Variants in DCN observed in about 807,000 individuals in gnomAD.
DCN encodes decorin, also known as bone proteoglycan II.
Under a neutral mutation model 36.5 loss-of-function variants are expected in DCN, and 17 were observed. The observed-to-expected ratio is 0.47, with a 90% CI of 0.32 to 0.70. The LOEUF is 0.70. DCN is among the 30% of genes least tolerant of loss of function. The pLI is 0.04. For synonymous variants in DCN, 163 were observed against 161.4 expected (o/e 1.01, Z -0.07); for missense variants, 389 against 430.1 (o/e 0.90, Z 0.84).
At position 91,158,444 on chromosome 12, in the gene DCN, C is replaced by T. The variant is rs929581369; in HGVS notation, c.390G>A (p.Lys130=). ...TCTTGGACAGATAAAGTCGTTCCAACTTCACCAAAGGTGTAAATGCTCCAG... is the reference window on the plus strand; with the variant it reads ...TCTTGGACAGATAAAGTCGTTCCAATTTCACCAAAGGTGTAAATGCTCCAG... ...VSPGAFTPLV[K]LERLYLSKNQ... is the part of the protein sequence containing the mutation. Residue 130 remains lysine, a synonymous_variant, in exon 4 of 8, where the codon AAG becomes AAA. Transcript: ENST00000052754. 2 of 1,611,022 alleles carry T rather than the reference C, an allele frequency of 1.2e-6. No homozygotes were observed. The highest frequency in any genetic ancestry group is 1.7e-6 in the Non-Finnish European group (2 of 1,177,266).
rs3138263 is a variant in DCN at position 91,153,213 on chromosome 12, T to C, written c.653-24A>G. The C allele has an allele frequency of 7.6e-3, 9,629 of 1,274,066 alleles. 526 individuals are homozygous for C. In the African/African-American group the frequency reaches 0.12, roughly 16 times the overall value. 78.9% of individuals were successfully genotyped at this position (1,274,066 alleles called of 1,614,324 possible). On this transcript the variant is annotated intron_variant, in intron 5 of 7. Transcript: ENST00000052754. ...ACCTGGAATGTGGAATTAAAGATGT[T>C]AAATTAGCAGATAAACATTATAAGT... is the stretch of plus-strand genomic sequence containing the variant.
chr12:91,148,393 G>A (rs369542359), intron 7 of DCN, among the ~76,000 whole-genome samples: 4 of 152,072 alleles, frequency 2.6e-5, no homozygotes, highest in African/African-American at 9.6e-5. Flanking sequence ...TCTTAAGTGA[G>A]CTATAAAACC....
At chr12:91,148,609 G>T (rs1881193331) in intron 7 of DCN, among the ~76,000 whole-genome samples, 1 of 151,014 alleles carries the variant, frequency 6.6e-6, no homozygotes, top group Non-Finnish European at 1.5e-5. Context: ...CCAGCTACTC[G>T]GGAGGCTGAG....
At position 91,142,617 on chromosome 12, in the gene DCN, G is replaced by C. The variant is rs931259473; in HGVS notation, c.*3441C>G. 6 of 152,142 alleles carry C rather than the reference G, an allele frequency of 3.9e-5. No homozygotes were observed. Among genetic ancestry groups the C allele is most frequent in the Non-Finnish European group, 8.8e-5 (6 of 68,014 alleles). 9.4% of individuals were successfully genotyped at this position (152,142 alleles called of 1,614,324 possible). A position where few individuals can be genotyped will look rare whatever the true frequency, so the allele number is the denominator to read the frequency against. On this transcript the variant is annotated 3_prime_UTR_variant, in exon 8 of 8. Transcript: ENST00000052754. ...CATTTATTGCCAGATCAAAGTCTTT[G>C]AAGAAAAATGCTTTAAAAGATCATG...
Position 91,140,703 on chromosome 12 carries a change from A to G in DCN, c.*5355T>C, listed in dbSNP as rs991654598. On this transcript the variant is annotated 3_prime_UTR_variant, in exon 8 of 8. Transcript: ENST00000052754. ...GCTCAACCCTTTCCCTTGAGCTCCA[A>G]AATTCTAGATCTAAATCCTCCTTGA... is the stretch of plus-strand genomic sequence containing the variant. 6.6e-6 allele frequency: 1 copy of G among 152,128 alleles called. No homozygotes were observed. The highest frequency in any genetic ancestry group is 1.5e-5 in the Non-Finnish European group (1 of 68,006). 9.4% of individuals were successfully genotyped at this position (152,128 alleles called of 1,614,324 possible). A position where few individuals can be genotyped will look rare whatever the true frequency, so the allele number is the denominator to read the frequency against.
intron 5 of DCN, 51 bp downstream of exon 5, chr12:91,157,024 A>T: frequency 7.5e-7 from 1 of 1,329,476 alleles, no homozygotes; most frequent in Non-Finnish European, 1.1e-6. Context: ...TTTTTTAATT[A>T]AAGCCTTTGA....
intron 2 of DCN, chr12:91,176,442 C>T (rs1883291199): frequency 6.6e-6 from 1 of 152,056 alleles, no homozygotes. Flanking sequence ...ATATCAATGG[C>T]AACAACAAAA....
At chr12:91,179,069 A>G (rs929145868) in intron 1 of DCN, 1 of 162,598 alleles carries the variant, frequency 6.2e-6, no homozygotes, top group Non-Finnish European at 1.4e-5. Flanking sequence ...CTACTACAAG[A>G]GCTTCTAATT....
At chr12:91,153,847 C>T (rs890416572) in intron 5 of DCN, among the ~76,000 whole-genome samples, 11 of 152,056 alleles carry the variant, frequency 7.2e-5, no homozygotes, top group African/African-American at 2.7e-4. Flanking sequence ...AATAATTTTA[C>T]ATCCAAAGTA....
intron 2 of DCN, among the ~76,000 whole-genome samples, chr12:91,168,197 G>A (rs1211834655): frequency 6.6e-6 from 1 of 152,098 alleles, no homozygotes; most frequent in Non-Finnish European, 1.5e-5. Flanking sequence ...GCTATTCCGT[G>A]AGCATATTAC....
rs1382818101 is a variant in DCN at position 91,145,817 on chromosome 12, C to G, written c.*241G>C. On this transcript the variant is annotated 3_prime_UTR_variant, in exon 8 of 8. Transcript: ENST00000052754. Reference sequence around the variant, plus strand: ...TTTACATTTAGTGAAATAAGAATATCTCTAGTAGCTCAGTTAACATCAACA... The same window carrying G: ...TTTACATTTAGTGAAATAAGAATATGTCTAGTAGCTCAGTTAACATCAACA... 1.2e-5 allele frequency: 6 copies of G among 514,974 alleles called. No individual in the cohort carries two copies. The highest frequency in any genetic ancestry group is 2.1e-5 in the Non-Finnish European group (6 of 287,812). The allele number at this position is 514,974 out of a possible 1,614,324, so 31.9% of individuals were successfully genotyped here. A position where few individuals can be genotyped will look rare whatever the true frequency, so the allele number is the denominator to read the frequency against.
At chr12:91,146,351 C>CCTTCACTT in intron 7 of DCN, 99 bp from the exon 8 acceptor site, 2 of 317,158 alleles carry the variant, frequency 6.3e-6, no homozygotes, top group East Asian at 1.2e-4. Flanking sequence ...TAATCCTTCA[C>CCTTCACTT]TTTTTTTTTT....
chr12:91,162,639 T>A (rs1289186676), intron 3 of DCN, among the ~76,000 whole-genome samples: 1 of 152,190 alleles, frequency 6.6e-6, no homozygotes, highest in Non-Finnish European at 1.5e-5. Context: ...CCTATGACAT[T>A]CATTATACGA....
intron 2 of DCN, chr12:91,177,522 T>A: frequency 1.4e-6 from 1 of 700,586 alleles, no homozygotes; most frequent in South Asian, 1.5e-5. Flanking sequence ...TGAGCTGCCA[T>A]GTAAACTGAG....
chr12:91,159,997 A>G (rs757906834), intron 3 of DCN, among the ~76,000 whole-genome samples: 9 of 152,172 alleles, frequency 5.9e-5, no homozygotes, highest in Non-Finnish European at 1.3e-4. Flanking sequence ...TGATTAATTA[A>G]TATATGTATA....
chr12:91,158,819 G>A (rs1266534095), intron 3 of DCN, among the ~76,000 whole-genome samples: 2 of 152,038 alleles, frequency 1.3e-5, no homozygotes, highest in Non-Finnish European at 2.9e-5. Flanking sequence ...AAAATTAGCT[G>A]GGCGTGGTGG....
intron 2 of DCN, among the ~76,000 whole-genome samples, 170 bp from the exon 3 acceptor site, chr12:91,164,887 A>T (rs759190915): frequency 3.9e-5 from 6 of 152,192 alleles, no homozygotes; most frequent in Non-Finnish European, 7.4e-5. Flanking sequence ...TTTTTGCTTT[A>T]TCTTTTGCAA....
intron 7 of DCN, among the ~76,000 whole-genome samples, chr12:91,150,043 A>T (rs1332112660): frequency 6.6e-6 from 1 of 152,200 alleles, no homozygotes; most frequent in African/African-American, 2.4e-5. Flanking sequence ...ATTTTTCCAG[A>T]AATGAAAAAG....
In DCN at chr12:91,146,256, C is replaced by T; in HGVS notation, c.886-4G>A. The stretch of plus-strand genomic sequence containing the variant: ...TGTTGTTATGAAGGTAGACAACCTA[C>T]AACATGAAACGATAGAAAATAATTA... On this transcript the variant is annotated splice_region_variant and splice_polypyrimidine_tract_variant and intron_variant, in intron 7 of 7. Coordinates refer to ENST00000052754, the MANE Select transcript of DCN (RefSeq NM_001920.5). The T allele has an allele frequency of 6.4e-7, 1 of 1,552,316 alleles. No homozygotes were observed. Among genetic ancestry groups the T allele is most frequent in the Non-Finnish European group, 8.9e-7 (1 of 1,128,914 alleles).
Sources: gnomAD v4.1 joint callset for allele counts (sites outside exome capture counted in the v4.1 genomes callset) on GRCh38, gnomAD v4.1.1 for gene constraint, MANE v1.5 for transcripts, NCBI Gene and HGNC (gene_info 2026-07-23, HGNC 2026-07-21) for gene names.